Variants in LIPC observed in about 807,000 individuals in gnomAD.
LIPC encodes the protein lipase C, hepatic type.
In LIPC, 44 loss-of-function variants were observed where a neutral mutation model predicts 50.7. The ratio of observed to expected loss-of-function variants is 0.87; its 90% CI spans 0.68 to 1.11. LIPC has a LOEUF of 1.11. LIPC is among the 50% of genes most tolerant of loss of function. The pLI, the probability that LIPC is intolerant of heterozygous loss-of-function variation, is 0.00. For missense variants in LIPC, 697 were observed against 648.2 expected, an observed-to-expected ratio of 1.08 and a Z score of -0.82; for synonymous variants, 271 against 256.4, an observed-to-expected ratio of 1.06 and a Z score of -0.54.
At chr15:58,485,207 G>A (rs994542102) in intron 1 of LIPC, among the ~76,000 whole-genome samples, 6 of 152,272 alleles carry the variant, frequency 3.9e-5, no homozygotes, top group East Asian at 1.9e-4. Context: ...GGGAGACCCC[G>A]GGGGAGGCAG....
chr15:58,445,490 G>A (rs1027377056), intron 1 of LIPC, among the ~76,000 whole-genome samples: 1 of 152,212 alleles, frequency 6.6e-6, no homozygotes, highest in African/African-American at 2.4e-5. Flanking sequence ...AAATTAGAAG[G>A]GTGGGATGAT....
chr15:58,513,029 CTT>C lies in LIPC; in HGVS notation c.89-25303_89-25302del, dbSNP rs1455276505. Among the ~76,000 whole-genome samples, 7 of 152,264 alleles carry C rather than the reference CTT, an allele frequency of 4.6e-5. No homozygotes were observed. The South Asian group carries it at 1.5e-3, about 32-fold the overall frequency. On this transcript the variant is annotated intron_variant, in intron 1 of 8. Coordinates refer to ENST00000299022, the MANE Select transcript of LIPC (RefSeq NM_000236.3). ...AGGAATACAGAAAAGCAAAAACCTC[CTT>C]CAAACTGGTGGATGTTTCATCCCAA...
intron 1 of LIPC, among the ~76,000 whole-genome samples, chr15:58,486,364 G>T (rs1891377317): frequency 6.6e-6 from 1 of 152,184 alleles, no homozygotes; most frequent in South Asian, 2.1e-4. Context: ...TCAATCCCAT[G>T]CAAACCAGGA....
intron 1 of LIPC, among the ~76,000 whole-genome samples, chr15:58,442,378 C>T (rs1299245432): frequency 4.6e-5 from 7 of 152,190 alleles, no homozygotes; most frequent in African/African-American, 1.2e-4. Flanking sequence ...CCCAGACACC[C>T]GGAGGACAAA....
intron 1 of LIPC, among the ~76,000 whole-genome samples, chr15:58,447,079 G>A (rs887827655): frequency 6.7e-6 from 1 of 150,018 alleles, no homozygotes; most frequent in African/African-American, 2.5e-5. Flanking sequence ...ACCTAGGAGG[G>A]TGGAGGTTGC....
At chr15:58,560,219 A>C (rs867924619) in intron 6 of LIPC, among the ~76,000 whole-genome samples, 6 of 152,248 alleles carry the variant, frequency 3.9e-5, no homozygotes, top group African/African-American at 1.4e-4. Flanking sequence ...CTTCCAACCA[A>C]CCCATCAGTA....
intron 4 of LIPC, among the ~76,000 whole-genome samples, chr15:58,543,947 T>C (rs778721992): frequency 1.2e-4 from 18 of 152,192 alleles, no homozygotes; most frequent in Non-Finnish European, 2.5e-4. Flanking sequence ...AAACAACTAC[T>C]ATCTGCTATT....
At chr15:58,468,638 A>C (rs2140732367) in intron 1 of LIPC, among the ~76,000 whole-genome samples, 1 of 152,194 alleles carries the variant, frequency 6.6e-6, no homozygotes, top group African/African-American at 2.4e-5. Context: ...ACATAGTGAC[A>C]CCATTTAACT....
At chr15:58,528,652 G>C (rs116037925) in intron 1 of LIPC, among the ~76,000 whole-genome samples, 3 of 152,130 alleles carry the variant, frequency 2.0e-5, no homozygotes, top group Non-Finnish European at 4.4e-5. Flanking sequence ...CTACAGGCAC[G>C]CACCACCATA....
chr15:58,557,775 C>A, intron 6 of LIPC, among the ~76,000 whole-genome samples: 1 of 152,136 alleles, frequency 6.6e-6, no homozygotes, highest in South Asian at 2.1e-4. Flanking sequence ...AATTGAAGAT[C>A]GGTTACTATG....
chr15:58,471,447 T>G (rs1478316977), intron 1 of LIPC, among the ~76,000 whole-genome samples: 2 of 151,948 alleles, frequency 1.3e-5, no homozygotes, highest in African/African-American at 4.8e-5. Flanking sequence ...CACACCCAGC[T>G]GATAAGTAGC....
intron 1 of LIPC, among the ~76,000 whole-genome samples, chr15:58,449,967 T>C (rs1173669562): frequency 9.2e-5 from 14 of 152,314 alleles, no homozygotes; most frequent in African/African-American, 3.4e-4. Flanking sequence ...CCTCCGAGGC[T>C]CTGGAACAAA....
chr15:58,483,635 C>A (rs1216412664), intron 1 of LIPC, among the ~76,000 whole-genome samples: 2 of 152,158 alleles, frequency 1.3e-5, no homozygotes, highest in Non-Finnish European at 2.9e-5. Flanking sequence ...AAAGATACTT[C>A]ATCTATTTTC....
At chr15:58,504,087 C>T (rs1892071452) in intron 1 of LIPC, among the ~76,000 whole-genome samples, 1 of 152,194 alleles carries the variant, frequency 6.6e-6, no homozygotes, top group Non-Finnish European at 1.5e-5. Flanking sequence ...GAAATCCATA[C>T]ACCAGTTTCA....
At position 58,569,826 on chromosome 15, in the gene LIPC, ATG is replaced by A. The variant is rs1365598336; in HGVS notation, c.*1001_*1002del. 1 of 155,122 alleles carries A rather than the reference ATG, an allele frequency of 6.4e-6. No individual in the cohort carries two copies. The highest frequency in any genetic ancestry group is 1.9e-4 in the East Asian group (1 of 5,402). The allele number at this position is 155,122 out of a possible 1,614,324, so 9.6% of individuals were successfully genotyped here. ...CAGCTTCCAGAACTGTGAGAAATAA[ATG>A]TTTCTTGTTTAAGCCATCCAGACTA... is the stretch of plus-strand genomic sequence containing the variant. On this transcript the variant is annotated 3_prime_UTR_variant, in exon 9 of 9. Coordinates refer to ENST00000299022, the MANE Select transcript of LIPC (RefSeq NM_000236.3).
At chr15:58,484,843 T>G (rs1891313872) in intron 1 of LIPC, among the ~76,000 whole-genome samples, 1 of 152,132 alleles carries the variant, frequency 6.6e-6, no homozygotes. Context: ...ACATTTACAC[T>G]AAAATCTGAA....
At chr15:58,534,608 G>T (rs1893055910) in intron 1 of LIPC, among the ~76,000 whole-genome samples, 1 of 152,132 alleles carries the variant, frequency 6.6e-6, no homozygotes, top group African/African-American at 2.4e-5. Context: ...CTATATATTT[G>T]TAACCTCCTT....
chr15:58,524,998 A>C (rs1423210660), intron 1 of LIPC, among the ~76,000 whole-genome samples: 1 of 152,010 alleles, frequency 6.6e-6, no homozygotes, highest in Non-Finnish European at 1.5e-5. Flanking sequence ...TCTTATTCAA[A>C]AGGTTATCAA....
chr15:58,544,810 C>T (rs1893465810), intron 4 of LIPC, among the ~76,000 whole-genome samples: 2 of 152,122 alleles, frequency 1.3e-5, no homozygotes, highest in African/African-American at 4.8e-5. Flanking sequence ...TGGGGTGGGA[C>T]ACCAGAGGGT....
Sources: allele counts gnomAD v4.1 joint callset (sites outside exome capture counted in the v4.1 genomes callset), GRCh38; gene constraint gnomAD v4.1.1; transcripts MANE v1.5; gene names NCBI Gene and HGNC (gene_info 2026-07-23, HGNC 2026-07-21).